The following NRG1 variants were observed in gnomAD, a reference collection of about 807,000 sequenced individuals.
NRG1 encodes the protein neuregulin 1.
A neutral mutation model predicts 63.8 loss-of-function variants in NRG1; 18 were observed. That is an observed-to-expected ratio of 0.28 (90% confidence interval 0.19 to 0.42). The LOEUF (loss-of-function observed/expected upper bound fraction) is 0.42. NRG1 is among the 10% of genes least tolerant of loss of function. The probability of loss-of-function intolerance (pLI) is 1.00; values close to 1 mark genes in which losing one functional copy is unlikely to be tolerated. For synonymous variants in NRG1, 302 were observed against 301.3 expected, an observed-to-expected ratio of 1.00 and a Z score of -0.02; for missense variants, 762 against 814.7, an observed-to-expected ratio of 0.94 and a Z score of 0.79.
chr8:31,993,344 T>C (rs1811402123), intron 1 of NRG1, among the ~76,000 whole-genome samples: 2 of 151,968 alleles, frequency 1.3e-5, no homozygotes, highest in African/African-American at 4.8e-5. Context: ...TCCCTTGTTC[T>C]GCTTTGTTTC....
At chr8:32,463,628 A>T (rs2129489463) in intron 1 of NRG1, among the ~76,000 whole-genome samples, 1 of 152,058 alleles carries the variant, frequency 6.6e-6, no homozygotes, top group East Asian at 2.0e-4. Context: ...GGATCACTTG[A>T]GCCAGGAGTT....
chr8:32,516,263 A>G (rs1236649216), intron 1 of NRG1, among the ~76,000 whole-genome samples: 1 of 151,958 alleles, frequency 6.6e-6, no homozygotes, highest in African/African-American at 2.4e-5. Context: ...CCATTGGTCT[A>G]TGTGTCTGTT....
intron 1 of NRG1, among the ~76,000 whole-genome samples, chr8:32,025,570 TA>T (rs1647242874): frequency 6.6e-6 from 1 of 152,230 alleles, no homozygotes; most frequent in South Asian, 2.1e-4. Context: ...TATCTTTTTC[TA>T]AAAGATCCAA....
At chr8:31,958,224 G>T (rs1196506826) in intron 1 of NRG1, among the ~76,000 whole-genome samples, 5 of 152,066 alleles carry the variant, frequency 3.3e-5, no homozygotes, top group Non-Finnish European at 5.9e-5. Context: ...CAGGTAAATG[G>T]AATGAACATC....
At chr8:32,354,159 A>C (rs1250053176) in intron 1 of NRG1, among the ~76,000 whole-genome samples, 1 of 151,998 alleles carries the variant, frequency 6.6e-6, no homozygotes, top group Non-Finnish European at 1.5e-5. Flanking sequence ...ACCTGAGGTC[A>C]GGAGTTCGAG....
intron 1 of NRG1, among the ~76,000 whole-genome samples, chr8:32,051,665 C>T (rs931264271): frequency 6.6e-6 from 1 of 151,856 alleles, no homozygotes; most frequent in African/African-American, 2.4e-5. Context: ...ATGAGAGCCT[C>T]CAGGGAGGTA....
intron 1 of NRG1, among the ~76,000 whole-genome samples, chr8:32,025,657 C>A (rs1817143371): frequency 6.6e-6 from 1 of 151,846 alleles, no homozygotes; most frequent in Non-Finnish European, 1.5e-5. Context: ...TTGACTCCCT[C>A]TCATAAAAGT....
intron 2 of NRG1, among the ~76,000 whole-genome samples, chr8:32,598,233 T>G (rs1843700821): frequency 6.6e-6 from 1 of 151,816 alleles, no homozygotes. Flanking sequence ...ATTGAAACAC[T>G]GTTAGAGCAG....
rs201783920 is a variant in NRG1, at chr8:32,598,597, C to CAATAG, written c.278+2593_278+2597dup. Among the ~76,000 whole-genome samples, 955 of 152,092 alleles carry CAATAG rather than the reference C, an allele frequency of 6.3e-3. 10 individuals are homozygous for CAATAG. The highest frequency in any genetic ancestry group is 0.022 in the African/African-American group (896 of 41,522). ...ATAGTTAGAAATTACTTCTTTTAAA[C>CAATAG]AATAGTCTTGCTGGAAAGAATTAAA... On this transcript the variant is annotated intron_variant, in intron 2 of 11. Transcript: ENST00000356819.
intron 1 of NRG1, among the ~76,000 whole-genome samples, chr8:32,342,804 G>T (rs1804239774): frequency 6.6e-6 from 1 of 152,082 alleles, no homozygotes; most frequent in South Asian, 2.1e-4. Context: ...AAAATTTACT[G>T]GCGTGCACCA....
rs1687577507 is a variant in NRG1 at position 32,742,300 on chromosome 8, T to C, written c.633-375T>C. On this transcript the variant is annotated intron_variant, in intron 6 of 11. Transcript: ENST00000356819. The surrounding 1 kb of genome is among the most constrained non-coding windows in gnomAD (Gnocchi z 4.2). ...GGCCAGTCACGATGGCCCGTGATGC[T>C]GACAAACTATTGCAGGCAAGCCAAC... Among the ~76,000 whole-genome samples, 1 of 152,148 alleles carries C rather than the reference T, an allele frequency of 6.6e-6. No individual in the cohort carries two copies. Among genetic ancestry groups the C allele is most frequent in the African/African-American group, 2.4e-5 (1 of 41,460 alleles).
At chr8:32,043,153 C>T (rs527834633) in intron 1 of NRG1, among the ~76,000 whole-genome samples, 1 of 151,664 alleles carries the variant, frequency 6.6e-6, no homozygotes, top group East Asian at 1.9e-4. Context: ...AATGAAACTG[C>T]TGAAAACTAA....
At chr8:32,602,212 CT>C (rs1844489702) in intron 2 of NRG1, among the ~76,000 whole-genome samples, 1 of 152,018 alleles carries the variant, frequency 6.6e-6, no homozygotes, top group South Asian at 2.1e-4. Context: ...ACCTATTTAA[CT>C]TTTTTTAATG....
At chr8:32,116,049 G>A (rs1220928504) in intron 1 of NRG1, among the ~76,000 whole-genome samples, 3 of 152,122 alleles carry the variant, frequency 2.0e-5, no homozygotes, top group African/African-American at 4.8e-5. Flanking sequence ...GAGCTTTAGT[G>A]TTGAGAAAGA....
chr8:32,294,294 G>A (rs558730935), intron 1 of NRG1, among the ~76,000 whole-genome samples: 2 of 151,920 alleles, frequency 1.3e-5, no homozygotes, highest in South Asian at 2.1e-4. Context: ...TTCTAAACTA[G>A]TAATTAAGAT....
chr8:32,655,884 A>T (rs2129548326), intron 5 of NRG1, among the ~76,000 whole-genome samples: 1 of 152,270 alleles, frequency 6.6e-6, no homozygotes, highest in African/African-American at 2.4e-5. Flanking sequence ...AACGGAAAAC[A>T]ATCTATACAG....
At chr8:32,348,257 T>C (rs574118752) in intron 1 of NRG1, among the ~76,000 whole-genome samples, 71 of 152,284 alleles carry the variant, frequency 4.7e-4, no homozygotes, top group African/African-American at 1.7e-3. Flanking sequence ...TTTGTTTTGT[T>C]TTGTTTTGTT....
At chr8:32,190,602 G>A (rs1037332401) in intron 1 of NRG1, among the ~76,000 whole-genome samples, 5 of 152,084 alleles carry the variant, frequency 3.3e-5, no homozygotes, top group African/African-American at 7.2e-5. Context: ...AACAGCTATC[G>A]GGATGGTGTT....
chr8:32,206,476 C>T (rs950035012), intron 1 of NRG1, among the ~76,000 whole-genome samples: 2 of 152,132 alleles, frequency 1.3e-5, no homozygotes, highest in African/African-American at 4.8e-5. Flanking sequence ...AAAGGCTTTA[C>T]TTTTTCAAGA....
Sources: allele counts gnomAD v4.1 joint callset (sites outside exome capture counted in the v4.1 genomes callset), GRCh38; gene constraint gnomAD v4.1.1; non-coding constraint Gnocchi (gnomAD v3.1); transcripts MANE v1.5; gene names NCBI Gene and HGNC (gene_info 2026-07-23, HGNC 2026-07-21).